Variants in ENOX2 observed in about 807,000 individuals in gnomAD.
ENOX2 encodes the protein ecto-NOX disulfide-thiol exchanger 2, also known as APK1 antigen.
In ENOX2, 36 loss-of-function variants were observed where a neutral mutation model predicts 45.0. That is an observed-to-expected ratio of 0.80 (90% CI 0.61 to 1.06). The LOEUF is 1.06. ENOX2 is among the 50% of genes least tolerant of loss of function. The pLI is 0.00. For missense variants in ENOX2, 423 were observed against 462.5 expected, an observed-to-expected ratio of 0.91 and a Z score of 0.78; for synonymous variants, 174 against 152.3, an observed-to-expected ratio of 1.14 and a Z score of -1.05.
chrX:130,790,109 G>A (rs1277618614), intron 2 of ENOX2, among the ~76,000 whole-genome samples: 1 of 112,880 alleles, frequency 8.9e-6, no homozygotes, highest in Non-Finnish European at 1.9e-5. Context: ...ATTCTAACTG[G>A]TTTAGCTGAA....
chrX:130,655,694 G>T, intron 10 of ENOX2, among the ~76,000 whole-genome samples: 1 of 111,994 alleles, frequency 8.9e-6, no homozygotes, highest in East Asian at 2.8e-4. Flanking sequence ...GAGTGCAATG[G>T]TGCGACCTCT....
At chrX:130,726,925 G>C (rs2038620556) in intron 3 of ENOX2, among the ~76,000 whole-genome samples, 1 of 112,265 alleles carries the variant, frequency 8.9e-6, no homozygotes. Flanking sequence ...GGCTGAAGAG[G>C]GCCTGGCTCG....
intron 3 of ENOX2, among the ~76,000 whole-genome samples, chrX:130,754,675 G>C (rs1427480186): frequency 9.0e-6 from 1 of 110,716 alleles, no homozygotes; most frequent in Admixed American, 9.6e-5. Flanking sequence ...TTATAAGTGA[G>C]AGCTAAACAT....
Position 130,625,403 on chromosome X carries a change from G to A in ENOX2, c.1657C>T (p.His553Tyr). 1 of 1,208,584 alleles carries A rather than the reference G, an allele frequency of 8.3e-7. No homozygotes were observed. The change falls in exon 15 of 15, where the codon CAT becomes TAT. Residue 553 changes from histidine to tyrosine, a missense_variant. By Grantham distance (83) the His-to-Tyr change is moderately conservative. This residue lies in a region of ENOX2 where 34 missense variants were observed against 31.3 expected (regional missense o/e 1.09). Coordinates refer to ENST00000394363, the MANE Select transcript of ENOX2 (RefSeq NM_006375.4). Reference sequence around the variant, plus strand: ...CCAGTCATTTCCTGCTTGAAGGTATGCTGGAGTCTACCCATGAGACACTCC... The same window carrying A: ...CCAGTCATTTCCTGCTTGAAGGTATACTGGAGTCTACCCATGAGACACTCC... ...DVECLMGRLQ[H>Y]TFKQEMTGVG... is the part of the protein sequence containing the mutation.
At chrX:130,721,584 C>A (rs760473474) in intron 3 of ENOX2, among the ~76,000 whole-genome samples, 1 of 111,795 alleles carries the variant, frequency 8.9e-6, no homozygotes, top group African/African-American at 3.3e-5. Flanking sequence ...TTTGCCTTGT[C>A]TTGCAAACAT....
At chrX:130,862,303 G>A (rs2078421617) in intron 2 of ENOX2, among the ~76,000 whole-genome samples, 1 of 110,741 alleles carries the variant, frequency 9.0e-6, no homozygotes, top group African/African-American at 3.3e-5. Flanking sequence ...TCTTTGTGCT[G>A]GTTCTTTTTC....
At chrX:130,896,218 A>G (rs1468100910) in intron 2 of ENOX2, among the ~76,000 whole-genome samples, 1 of 111,753 alleles carries the variant, frequency 8.9e-6, no homozygotes, top group Non-Finnish European at 1.9e-5. Context: ...TAACTCTCAC[A>G]TCACCAGCAG....
intron 2 of ENOX2, among the ~76,000 whole-genome samples, chrX:130,805,097 C>T (rs1460170665): frequency 2.7e-5 from 3 of 111,649 alleles, no homozygotes; most frequent in African/African-American, 9.8e-5. Flanking sequence ...GATGCCAGAT[C>T]TGCTGGCACT....
intron 2 of ENOX2, among the ~76,000 whole-genome samples, chrX:130,818,558 C>T (rs184757893): frequency 2.1e-3 from 238 of 111,528 alleles, no homozygotes; most frequent in Non-Finnish European, 3.5e-3. Flanking sequence ...GATATACAGA[C>T]CAATGGAACA....
chrX:130,716,160 C>T (rs760349307), intron 3 of ENOX2, among the ~76,000 whole-genome samples: 1 of 111,323 alleles, frequency 9.0e-6, no homozygotes, highest in South Asian at 3.8e-4. Context: ...ATTACTTTTG[C>T]ACCAACCTAA....
intron 3 of ENOX2, among the ~76,000 whole-genome samples, chrX:130,714,864 TGGA>T (rs2038286752): frequency 9.1e-6 from 1 of 110,452 alleles, no homozygotes; most frequent in African/African-American, 3.3e-5. Flanking sequence ...GAGAAGGTGG[TGGA>T]GGAGGGAGGG....
chrX:130,740,771 A>T (rs2038965046), intron 3 of ENOX2, among the ~76,000 whole-genome samples: 1 of 112,195 alleles, frequency 8.9e-6, no homozygotes, highest in Non-Finnish European at 1.9e-5. Flanking sequence ...TGCCTTTCAT[A>T]ACATTCTGTT....
intron 4 of ENOX2, among the ~76,000 whole-genome samples, chrX:130,694,409 C>A (rs2037695978): frequency 9.0e-6 from 1 of 110,888 alleles, no homozygotes; most frequent in African/African-American, 3.3e-5. Flanking sequence ...TATGGAAGGA[C>A]CATTGTTCAG....
At chrX:130,732,527 A>G (rs2038760657) in intron 3 of ENOX2, among the ~76,000 whole-genome samples, 2 of 112,214 alleles carry the variant, frequency 1.8e-5, no homozygotes, top group South Asian at 7.4e-4. Flanking sequence ...AGGGAAATCC[A>G]TAAGATCACA....
chrX:130,662,333 G>A (rs2036714809), intron 9 of ENOX2, among the ~76,000 whole-genome samples: 1 of 112,359 alleles, frequency 8.9e-6, no homozygotes, highest in Non-Finnish European at 1.9e-5. Context: ...CTTTCTCTCA[G>A]CAGAGTAAGA....
chrX:130,835,387 G>C (rs1411684105), intron 2 of ENOX2, among the ~76,000 whole-genome samples: 1 of 110,662 alleles, frequency 9.0e-6, no homozygotes, highest in Non-Finnish European at 1.9e-5. Context: ...TTACAGATGA[G>C]GCAACTGAGG....
chrX:130,815,593 C>A (rs2077469168), intron 2 of ENOX2, among the ~76,000 whole-genome samples: 2 of 111,990 alleles, frequency 1.8e-5, no homozygotes. Context: ...GGGCAATATT[C>A]AACATTTTTA....
At chrX:130,716,540 T>C (rs940275910) in intron 3 of ENOX2, among the ~76,000 whole-genome samples, 2 of 111,843 alleles carry the variant, frequency 1.8e-5, no homozygotes, top group Non-Finnish European at 3.8e-5. Flanking sequence ...AGCAAGGGGG[T>C]AGGCAGGAGA....
chrX:130,761,591 G>A (rs113331201), intron 3 of ENOX2, among the ~76,000 whole-genome samples: 3 of 111,811 alleles, frequency 2.7e-5, no homozygotes, highest in African/African-American at 9.7e-5. Flanking sequence ...CAGAAAGCAT[G>A]GTGCTGGCAT....
Sources: gnomAD v4.1 joint callset for allele counts (sites outside exome capture counted in the v4.1 genomes callset) on GRCh38, gnomAD v4.1.1 for gene constraint, gnomAD v4.1.1 regional missense constraint, MANE v1.5 for transcripts, NCBI Gene and HGNC (gene_info 2026-07-23, HGNC 2026-07-21) for gene names.